Variants in CDH4 observed in about 807,000 individuals in gnomAD.
CDH4 encodes cadherin-4.
A neutral mutation model predicts 86.0 loss-of-function variants in CDH4; 33 were observed. The observed-to-expected ratio is 0.38, with a 90% CI of 0.29 to 0.51. CDH4 has a LOEUF of 0.51. Among genes scored for constraint, CDH4 ranks in the 20% least tolerant of loss-of-function variants. The pLI, the probability that CDH4 is intolerant of heterozygous loss-of-function variation, is 0.86. For missense variants in CDH4, 1,114 were observed against 1,307.4 expected, an observed-to-expected ratio of 0.85 and a Z score of 2.28; for synonymous variants, 555 against 549.4, an observed-to-expected ratio of 1.01 and a Z score of -0.14.
At chr20:61,918,832 G>T (rs572639346) in intron 9 of CDH4, among the ~76,000 whole-genome samples, 1 of 152,142 alleles carries the variant, frequency 6.6e-6, no homozygotes, top group African/African-American at 2.4e-5. Flanking sequence ...AGGAGCCACC[G>T]TCTCAGTTTT....
intron 7 of CDH4, among the ~76,000 whole-genome samples, chr20:61,875,116 A>AC (rs1222185136): frequency 2.0e-5 from 3 of 151,688 alleles, no homozygotes; most frequent in Admixed American, 6.6e-5. Context: ...GGGCTGTGGG[A>AC]CCCCCCGGGG....
chr20:61,835,632 G>A (rs73917531), intron 4 of CDH4, among the ~76,000 whole-genome samples: 5,143 of 152,340 alleles, frequency 0.034, 139 homozygotes, highest in African/African-American at 0.075. Context: ...AGGGCTTCCC[G>A]TGGGGTGAGG....
At chr20:61,325,945 C>T (rs1484231621) in intron 2 of CDH4, among the ~76,000 whole-genome samples, 2 of 152,202 alleles carry the variant, frequency 1.3e-5, no homozygotes, top group African/African-American at 4.8e-5. Context: ...CCGTGCCATT[C>T]CCAGCTTCTC....
chr20:61,337,025 G>T (rs961298106), intron 2 of CDH4, among the ~76,000 whole-genome samples: 3 of 152,072 alleles, frequency 2.0e-5, no homozygotes, highest in African/African-American at 7.2e-5. Context: ...CTCACTGTGA[G>T]GTTCACAGCA....
At chr20:61,650,271 C>T (rs564328451) in intron 2 of CDH4, among the ~76,000 whole-genome samples, 20 of 152,186 alleles carry the variant, frequency 1.3e-4, no homozygotes, top group Non-Finnish European at 2.6e-4. Context: ...CCGCTGACCT[C>T]GTTTACTGTT....
At chr20:61,425,801 A>G (rs1245147859) in intron 2 of CDH4, among the ~76,000 whole-genome samples, 3 of 132,114 alleles carry the variant, frequency 2.3e-5, no homozygotes, top group African/African-American at 3.0e-5. Flanking sequence ...ATTGCAGGAC[A>G]TTCTCAAAGG....
chr20:61,266,792 A>T lies in CDH4; in HGVS notation c.169+11855A>T, dbSNP rs113332348. Among the ~76,000 whole-genome samples the T allele has an allele frequency of 1.0e-2, 1,522 of 152,214 alleles. 21 individuals are homozygous for T. Among genetic ancestry groups the T allele is most frequent in the African/African-American group, 0.034 (1,432 of 41,520 alleles). On this transcript the variant is annotated intron_variant, in intron 2 of 15. Coordinates refer to ENST00000614565, the MANE Select transcript of CDH4 (RefSeq NM_001794.5). ...GCCCCGTGGGTCCTATCCCAGACCT[A>T]CTGGAGGGTGCCGACAGTGGCCCAC...
chr20:61,566,897 G>T (rs1165901979), intron 2 of CDH4, among the ~76,000 whole-genome samples: 11 of 152,070 alleles, frequency 7.2e-5, no homozygotes, highest in Admixed American at 7.2e-4. Context: ...CAGATAATGC[G>T]GGAATGGACT....
intron 2 of CDH4, among the ~76,000 whole-genome samples, chr20:61,418,770 G>A (rs2085161128): frequency 6.6e-6 from 1 of 152,124 alleles, no homozygotes; most frequent in Non-Finnish European, 1.5e-5. Context: ...TTCCTTCAGG[G>A]GCTCCGAGGG....
At chr20:61,268,343 C>G (rs2084167675) in intron 2 of CDH4, among the ~76,000 whole-genome samples, 1 of 152,234 alleles carries the variant, frequency 6.6e-6, no homozygotes, top group South Asian at 2.1e-4. Flanking sequence ...TCAGCCAGAA[C>G]CAGGAGGCAA....
At chr20:61,514,700 T>C (rs2085805778) in intron 2 of CDH4, among the ~76,000 whole-genome samples, 1 of 152,198 alleles carries the variant, frequency 6.6e-6, no homozygotes, top group Non-Finnish European at 1.5e-5. Context: ...GGTTTGCTGG[T>C]AATAAGTACA....
chr20:61,531,309 T>G (rs1344405877), intron 2 of CDH4, among the ~76,000 whole-genome samples: 1 of 151,902 alleles, frequency 6.6e-6, no homozygotes, highest in Non-Finnish European at 1.5e-5. Context: ...CCGTCTCTAC[T>G]AAAAATACAA....
intron 2 of CDH4, among the ~76,000 whole-genome samples, chr20:61,584,724 G>A (rs1472060620): frequency 6.6e-6 from 1 of 152,236 alleles, no homozygotes; most frequent in Non-Finnish European, 1.5e-5. Flanking sequence ...ATGTGGATTA[G>A]AGAAAGCTAC....
At chr20:61,257,369 G>T (rs759091078) in intron 2 of CDH4, among the ~76,000 whole-genome samples, 12 of 152,244 alleles carry the variant, frequency 7.9e-5, no homozygotes, top group Admixed American at 5.2e-4. Flanking sequence ...AAAAGCATTT[G>T]CATTCTAAAA....
chr20:61,805,602 C>T (rs1568826010), intron 4 of CDH4, among the ~76,000 whole-genome samples: 1 of 152,228 alleles, frequency 6.6e-6, no homozygotes, highest in Non-Finnish European at 1.5e-5. Context: ...CTCGGACCCA[C>T]CCCAGGTCAG....
At chr20:61,600,947 G>C (rs906852166) in intron 2 of CDH4, among the ~76,000 whole-genome samples, 5 of 152,186 alleles carry the variant, frequency 3.3e-5, no homozygotes, top group African/African-American at 1.2e-4. Flanking sequence ...CCTGCCTGCT[G>C]TCTGGCGAGC....
At chr20:61,470,365 A>G (rs2085495366) in intron 2 of CDH4, among the ~76,000 whole-genome samples, 1 of 152,014 alleles carries the variant, frequency 6.6e-6, no homozygotes, top group Non-Finnish European at 1.5e-5. Flanking sequence ...TAGAAATGCT[A>G]CTAATTTTTG....
At chr20:61,538,631 C>A (rs185621587) in intron 2 of CDH4, among the ~76,000 whole-genome samples, 2 of 152,188 alleles carry the variant, frequency 1.3e-5, no homozygotes, top group Non-Finnish European at 2.9e-5. Context: ...GCCCCTCGTG[C>A]GTTCATGGGA....
At chr20:61,833,459 A>G (rs56126126) in intron 4 of CDH4, among the ~76,000 whole-genome samples, 62,891 of 152,068 alleles carry the variant, frequency 0.41, 15,991 homozygotes, top group Non-Finnish European at 0.58. Context: ...TACTGATTAA[A>G]TTAATGATTA....
Sources: gnomAD v4.1 joint callset for allele counts (sites outside exome capture counted in the v4.1 genomes callset) on GRCh38, gnomAD v4.1.1 for gene constraint, MANE v1.5 for transcripts, NCBI Gene and HGNC (gene_info 2026-07-23, HGNC 2026-07-21) for gene names.